The following SLC4A8 variants were observed in gnomAD, a reference collection of about 807,000 sequenced individuals.
The protein encoded by SLC4A8 is electroneutral sodium bicarbonate exchanger 1.
Under a neutral mutation model 125.0 loss-of-function variants are expected in SLC4A8, and 40 were observed. That is an observed-to-expected ratio of 0.32 (90% CI 0.25 to 0.42). The LOEUF (loss-of-function observed/expected upper bound fraction) is 0.42. SLC4A8 is among the 10% of genes least tolerant of loss of function. The pLI, the probability that SLC4A8 is intolerant of heterozygous loss-of-function variation, is 1.00. For missense variants in SLC4A8, 863 were observed against 1,355.1 expected, an observed-to-expected ratio of 0.64 and a Z score of 5.70; for synonymous variants, 456 against 476.0, an observed-to-expected ratio of 0.96 and a Z score of 0.55.
chr12:51,507,808 G>A lies in SLC4A8; in HGVS notation c.*370G>A, dbSNP rs1938235273. 1 of 172,016 alleles carries A rather than the reference G, an allele frequency of 5.8e-6. No homozygotes were observed. Among genetic ancestry groups the A allele is most frequent in the Non-Finnish European group, 1.2e-5 (1 of 81,202 alleles). The allele number at this position is 172,016 out of a possible 1,614,324, so 10.7% of individuals were successfully genotyped here. A position where few individuals can be genotyped will look rare whatever the true frequency, so the allele number is the denominator to read the frequency against. On this transcript the variant is annotated 3_prime_UTR_variant, in exon 25 of 25. Coordinates refer to ENST00000453097, the MANE Select transcript of SLC4A8 (RefSeq NM_001039960.3). ...AGCCATATGGATTCATTCTGCCACT[G>A]AGGAGTCCTTCAGTGAGGTCCCTCT... is the stretch of plus-strand genomic sequence containing the variant.
At chr12:51,482,164 A>C (rs1224923854) in intron 16 of SLC4A8, among the ~76,000 whole-genome samples, 1 of 152,170 alleles carries the variant, frequency 6.6e-6, no homozygotes, top group East Asian at 1.9e-4. Context: ...TTGAGACTGT[A>C]CTGTACACAT....
Position 51,457,476 on chromosome 12 carries a change from A to G in SLC4A8, c.700A>G (p.Ile234Val), listed in dbSNP as rs1430309116. Residue 234 changes from isoleucine (I) to valine (V), a missense_variant, in exon 6 of 25, where the codon ATT becomes GTT. Transcript: ENST00000453097. Reference protein sequence around the residue: ...NEKKRNNLIPIVRSFAEVGKK... With the variant: ...NEKKRNNLIPVVRSFAEVGKK... ...AAAGAAGAGAAACAACCTCATTCCC[A>G]TTGTTCGCTCCTTTGCTGAGGTTGG... is the stretch of plus-strand genomic sequence containing the variant. 6.2e-7 allele frequency: 1 copy of G among 1,614,106 alleles called. No homozygotes were observed. The highest frequency in any genetic ancestry group is 1.1e-5 in the South Asian group (1 of 91,082).
At chr12:51,499,032 G>A (rs1031725749) in intron 22 of SLC4A8, among the ~76,000 whole-genome samples, 2 of 150,402 alleles carry the variant, frequency 1.3e-5, no homozygotes, top group African/African-American at 2.4e-5. Context: ...ATACAAAAAA[G>A]TAGCCAAGTA....
intron 8 of SLC4A8, among the ~76,000 whole-genome samples, chr12:51,460,686 A>T (rs781158505): frequency 1.3e-5 from 2 of 152,224 alleles, no homozygotes; most frequent in Non-Finnish European, 2.9e-5. Context: ...TGGTTTGCAG[A>T]TATGCAAACA....
Position 51,503,936 on chromosome 12 carries a change from A to G in SLC4A8, c.3082-93A>G, listed in dbSNP as rs547872427. ...TTATATTCTTTATAATAAATGCACA[A>G]TGAAATTAGGTAGAAATTGTGGTAG... On this transcript the variant is annotated intron_variant, in intron 22 of 24. Transcript: ENST00000453097. 2.6e-4 allele frequency: 185 copies of G among 699,276 alleles called. No individual in the cohort carries two copies. The African/African-American group carries it at 3.0e-3, about 11-fold the overall frequency. 43.3% of individuals were successfully genotyped at this position (699,276 alleles called of 1,614,324 possible). A position where few individuals can be genotyped will look rare whatever the true frequency, so the allele number is the denominator to read the frequency against.
chr12:51,453,826 G>T, intron 5 of SLC4A8, 127 bp downstream of exon 5: 1 of 786,376 alleles, frequency 1.3e-6, no homozygotes. Flanking sequence ...CAACCTTCCT[G>T]GCCTCAATGT....
At chr12:51,400,731 TATATATATATATA>T (rs1948359030) in intron 1 of SLC4A8, among the ~76,000 whole-genome samples, 1 of 288 alleles carries the variant, frequency 3.5e-3, no homozygotes, top group African/African-American at 0.015. Context: ...CTCCTTTATA[TATATATATATATA>T]TATATATATA....
At chr12:51,429,658 A>C (rs1592167771) in intron 1 of SLC4A8, among the ~76,000 whole-genome samples, 2 of 151,850 alleles carry the variant, frequency 1.3e-5, no homozygotes. Context: ...ATGAACCACT[A>C]TGTCCAGCTA....
At chr12:51,463,410 G>GGTGT (rs71731491) in intron 10 of SLC4A8, among the ~76,000 whole-genome samples, 3,419 of 144,064 alleles carry the variant, frequency 0.024, 81 homozygotes, top group African/African-American at 0.064. Context: ...GAAATTATGG[G>GGTGT]GTGTGTGTGT....
intron 11 of SLC4A8, among the ~76,000 whole-genome samples, chr12:51,468,478 G>A (rs764839171): frequency 6.6e-6 from 1 of 152,204 alleles, no homozygotes; most frequent in Non-Finnish European, 1.5e-5. Flanking sequence ...AACCATTTCT[G>A]GCCGGGTGTG....
intron 17 of SLC4A8, 45 bp downstream of exon 17, chr12:51,485,945 C>A (rs766453896): frequency 2.8e-6 from 3 of 1,081,064 alleles, no homozygotes; most frequent in African/African-American, 3.1e-5. Flanking sequence ...TAATTTCATA[C>A]ATTCTGATGC....
intron 2 of SLC4A8, among the ~76,000 whole-genome samples, chr12:51,445,781 G>A (rs892397175): frequency 1.3e-5 from 2 of 151,874 alleles, no homozygotes; most frequent in Admixed American, 6.6e-5. Flanking sequence ...CCCTAGACAC[G>A]CTAGCATTTT....
chr12:51,458,573 C>G lies in SLC4A8; in HGVS notation c.778C>G (p.Pro260Ala). The G allele has an allele frequency of 6.2e-7, 1 of 1,613,222 alleles. No individual in the cohort carries two copies. The highest frequency in any genetic ancestry group is 8.5e-7 in the Non-Finnish European group (1 of 1,179,202). ...LMDKHGQTVSPQSVPTTNLEV... is the reference protein window; with the variant it reads ...LMDKHGQTVSAQSVPTTNLEV... The stretch of plus-strand genomic sequence containing the variant: ...TCTCCAAATAGGTCAAACCGTGTCT[C>G]CTCAGTCTGTTCCAACTACAAATCT... The change falls in exon 7 of 25, where the codon CCT (proline) becomes GCT (alanine). Residue 260 changes from proline (P) to alanine (A), a missense_variant. By Grantham distance (27) the Pro-to-Ala change is conservative (BLOSUM62 -1). Around this residue, in one of 6 missense-constraint regions of SLC4A8, gnomAD observed 390 missense variants for 634.4 expected, o/e 0.61. Transcript: ENST00000453097.
chr12:51,454,416 A>G (rs1238854606), intron 5 of SLC4A8, among the ~76,000 whole-genome samples: 1 of 145,660 alleles, frequency 6.9e-6, no homozygotes, highest in East Asian at 2.0e-4. Flanking sequence ...ACCAGCGTTC[A>G]GCATATGGAG....
chr12:51,410,528 G>A (rs561854819), intron 1 of SLC4A8, among the ~76,000 whole-genome samples: 7 of 149,464 alleles, frequency 4.7e-5, no homozygotes, highest in African/African-American at 1.2e-4. Context: ...CGCGATCTTC[G>A]CTCACTGCAA....
chr12:51,424,884 G>T lies in SLC4A8; in HGVS notation c.-104G>T, dbSNP rs115309800. ...GGTTGATGGTTGACCGTTGGCTCCGGGGTGGGGGTCGCCGTTCGAGTGATC... is the reference window on the plus strand; with the variant it reads ...GGTTGATGGTTGACCGTTGGCTCCGTGGTGGGGGTCGCCGTTCGAGTGATC... On this transcript the variant is annotated 5_prime_UTR_variant, in exon 1 of 25. Coordinates refer to ENST00000453097, the MANE Select transcript of SLC4A8 (RefSeq NM_001039960.3). The T allele has an allele frequency of 2.5e-3, 3,116 of 1,259,358 alleles. 77 individuals are homozygous for T. In the African/African-American group the frequency reaches 0.044, roughly 18 times the overall value. The allele number at this position is 1,259,358 out of a possible 1,614,324, so 78.0% of individuals were successfully genotyped here.
At chr12:51,406,351 A>G (rs890145966) in intron 1 of SLC4A8, among the ~76,000 whole-genome samples, 74 of 152,354 alleles carry the variant, frequency 4.9e-4, no homozygotes, top group African/African-American at 1.6e-3. Flanking sequence ...GAAGCCATAA[A>G]GCATTATTGA....
Position 51,511,161 on chromosome 12 carries a change from T to A in SLC4A8, c.*3723T>A, listed in dbSNP as rs1247624789. 6.6e-6 allele frequency: 1 copy of A among 152,222 alleles called. No individual in the cohort carries two copies. Among genetic ancestry groups the A allele is most frequent in the Non-Finnish European group, 1.5e-5 (1 of 68,070 alleles). 9.4% of individuals were successfully genotyped at this position (152,222 alleles called of 1,614,324 possible). On this transcript the variant is annotated 3_prime_UTR_variant, in exon 25 of 25. Coordinates refer to ENST00000453097, the MANE Select transcript of SLC4A8 (RefSeq NM_001039960.3). ...TACTTTCAGGAATTCCTCCTGGAAT[T>A]GGTTTTCCTTGGTGGTAATTTCTCA...
chr12:51,405,557 T>G (rs1411004069), intron 1 of SLC4A8, among the ~76,000 whole-genome samples: 1 of 152,220 alleles, frequency 6.6e-6, no homozygotes, highest in East Asian at 1.9e-4. Flanking sequence ...ATGGCCATTT[T>G]CTTTCTTTTT....
Sources: gnomAD v4.1 joint callset for allele counts (sites outside exome capture counted in the v4.1 genomes callset) on GRCh38, gnomAD v4.1.1 for gene constraint, gnomAD v4.1.1 regional missense constraint, MANE v1.5 for transcripts, NCBI Gene and HGNC (gene_info 2026-07-23, HGNC 2026-07-21) for gene names.